ROBO2: variants seen among roughly 807,000 people sequenced by gnomAD.
ROBO2 encodes roundabout homolog 2.
Under a neutral mutation model 160.8 loss-of-function variants are expected in ROBO2, and 53 were observed. The observed-to-expected ratio is 0.33, with a 90% confidence interval of 0.26 to 0.41. The LOEUF (loss-of-function observed/expected upper bound fraction) is 0.41. Ranked by LOEUF, ROBO2 falls within the 10% of genes least tolerant of loss-of-function variation. The pLI is 1.00. For missense variants in ROBO2, 1,577 were observed against 1,722.4 expected, an observed-to-expected ratio of 0.92 and a Z score of 1.49; for synonymous variants, 664 against 611.7, an observed-to-expected ratio of 1.09 and a Z score of -1.26.
At chr3:76,272,789 AAT>A (rs1310384440) in intron 2 of ROBO2, among the ~76,000 whole-genome samples, 1,429 of 16,172 alleles carry the variant, frequency 0.088, 166 homozygotes, top group Middle Eastern at 0.15. Flanking sequence ...AAATATATAA[AAT>A]ATATATATAT....
chr3:77,368,238 G>T (rs4309704), intron 2 of ROBO2, among the ~76,000 whole-genome samples: 60,375 of 144,858 alleles, frequency 0.42, 12,889 homozygotes, highest in East Asian at 0.73. Flanking sequence ...GAAATTATTT[G>T]GGGGTCAAAT....
intron 2 of ROBO2, among the ~76,000 whole-genome samples, chr3:77,460,937 C>G (rs538594082): frequency 1.0e-3 from 159 of 152,092 alleles, no homozygotes; most frequent in African/African-American, 3.7e-3. Flanking sequence ...TTTTATTGAG[C>G]CATCCGCTGT....
intron 2 of ROBO2, among the ~76,000 whole-genome samples, chr3:76,753,832 T>C (rs544507271): frequency 6.6e-6 from 1 of 152,028 alleles, no homozygotes; most frequent in Non-Finnish European, 1.5e-5. Context: ...CTGGAGTTGA[T>C]AGTTTCAGGA....
At chr3:77,175,503 A>G (rs1459860235) in intron 2 of ROBO2, among the ~76,000 whole-genome samples, 2 of 151,948 alleles carry the variant, frequency 1.3e-5, no homozygotes, top group African/African-American at 2.4e-5. Flanking sequence ...TTGAACATGA[A>G]GTGATATTGT....
At chr3:77,201,492 G>A (rs1386891004) in intron 2 of ROBO2, among the ~76,000 whole-genome samples, 1 of 152,024 alleles carries the variant, frequency 6.6e-6, no homozygotes, top group Admixed American at 6.6e-5. Flanking sequence ...CCTCTAAATT[G>A]ATTTAATAAC....
At chr3:76,738,430 G>T (rs2093750069) in intron 2 of ROBO2, among the ~76,000 whole-genome samples, 1 of 152,154 alleles carries the variant, frequency 6.6e-6, no homozygotes, top group Admixed American at 6.5e-5. Flanking sequence ...AGCACCGTAG[G>T]ATGCTGACTA....
chr3:76,252,330 C>G (rs921259290), intron 2 of ROBO2, among the ~76,000 whole-genome samples: 4 of 151,940 alleles, frequency 2.6e-5, no homozygotes, highest in Non-Finnish European at 5.9e-5. Flanking sequence ...TGGTGCTATT[C>G]AATGTATTTG....
chr3:77,275,566 G>A (rs900269719), intron 2 of ROBO2, among the ~76,000 whole-genome samples: 1 of 152,054 alleles, frequency 6.6e-6, no homozygotes, highest in Admixed American at 6.6e-5. Flanking sequence ...AAGCTTGGGG[G>A]AAAATGAACT....
chr3:77,313,699 C>T (rs776460490), intron 2 of ROBO2, among the ~76,000 whole-genome samples: 3 of 152,096 alleles, frequency 2.0e-5, no homozygotes, highest in Non-Finnish European at 4.4e-5. Context: ...ATTCTCCTAC[C>T]TCAACCTCCC....
At chr3:76,970,550 C>G (rs2059524722) in intron 2 of ROBO2, among the ~76,000 whole-genome samples, 1 of 152,094 alleles carries the variant, frequency 6.6e-6, no homozygotes, top group Admixed American at 6.5e-5. Flanking sequence ...TTTTCACCAG[C>G]TTAAATCTAC....
In ROBO2 at chr3:77,468,030, A is replaced by T. The variant is rs1472630585; in HGVS notation, c.389-9384A>T. On this transcript the variant is annotated intron_variant, in intron 2 of 25. Transcript: ENST00000461745. ...CATCCTCCTCACATGCTATGTTTGG[A>T]CACAATCTCTAACTTGATCTGGTTT... Among the ~76,000 whole-genome samples, 3 of 152,170 alleles carry T rather than the reference A, an allele frequency of 2.0e-5. No individual in the cohort carries two copies. The South Asian group carries it at 6.2e-4, about 32-fold the overall frequency.
At chr3:77,507,306 A>T (rs1027993319) in intron 5 of ROBO2, among the ~76,000 whole-genome samples, 1 of 152,208 alleles carries the variant, frequency 6.6e-6, no homozygotes, top group Non-Finnish European at 1.5e-5. Context: ...CCCTCTGATA[A>T]TGTAGTCACT....
intron 2 of ROBO2, among the ~76,000 whole-genome samples, chr3:76,696,404 G>A (rs1320547644): frequency 6.8e-6 from 1 of 147,660 alleles, no homozygotes; most frequent in Middle Eastern, 3.2e-3. Context: ...TCAGTTGCAA[G>A]ATTTAATAGC....
chr3:77,369,952 A>G (rs1315722862), intron 2 of ROBO2, among the ~76,000 whole-genome samples: 5 of 152,190 alleles, frequency 3.3e-5, no homozygotes, highest in Non-Finnish European at 7.3e-5. Flanking sequence ...GATCTAATGA[A>G]TAAACTCAGC....
chr3:76,671,138 T>C (rs1442892675), intron 2 of ROBO2, among the ~76,000 whole-genome samples: 1 of 152,188 alleles, frequency 6.6e-6, no homozygotes, highest in Non-Finnish European at 1.5e-5. Flanking sequence ...TAAATAGTCA[T>C]GTAAAGCAGA....
chr3:77,447,052 T>A (rs2080601349), intron 2 of ROBO2, among the ~76,000 whole-genome samples: 1 of 152,004 alleles, frequency 6.6e-6, no homozygotes, highest in Admixed American at 6.6e-5. Context: ...TAGCCAGAAG[T>A]TTTCTCAAGG....
At chr3:76,189,543 A>T (rs1210205388) in intron 2 of ROBO2, among the ~76,000 whole-genome samples, 2 of 152,074 alleles carry the variant, frequency 1.3e-5, no homozygotes, top group Non-Finnish European at 2.9e-5. Context: ...CAGATCCAAG[A>T]TTCTCTCTGT....
At chr3:77,068,841 C>T (rs1244077048) in intron 1 of ROBO2, among the ~76,000 whole-genome samples, 1 of 152,112 alleles carries the variant, frequency 6.6e-6, no homozygotes, top group Non-Finnish European at 1.5e-5. Context: ...GGGCACACTG[C>T]AGCCTCTGGA....
chr3:76,985,713 C>T (rs2060344560), intron 2 of ROBO2, among the ~76,000 whole-genome samples: 1 of 151,016 alleles, frequency 6.6e-6, no homozygotes, highest in African/African-American at 2.4e-5. Flanking sequence ...CAAAATTATT[C>T]CATTGCATAT....
Sources: gnomAD v4.1 joint callset for allele counts (sites outside exome capture counted in the v4.1 genomes callset) on GRCh38, gnomAD v4.1.1 for gene constraint, MANE v1.5 for transcripts, NCBI Gene and HGNC (gene_info 2026-07-23, HGNC 2026-07-21) for gene names.